Variants in GALNTL6 observed in about 807,000 individuals in gnomAD.
The protein encoded by GALNTL6 is polypeptide N-acetylgalactosaminyltransferase-like 6.
In GALNTL6, 46 loss-of-function variants were observed where a neutral mutation model predicts 73.7. The ratio of observed to expected loss-of-function variants is 0.62; its 90% CI spans 0.49 to 0.80. The LOEUF (loss-of-function observed/expected upper bound fraction) is 0.80, where lower values mean the gene tolerates loss of function less well. Among genes scored for constraint, GALNTL6 ranks in the 30% least tolerant of loss-of-function variants. The pLI, the probability that GALNTL6 is intolerant of heterozygous loss-of-function variation, is 0.00. For missense variants in GALNTL6, 604 were observed against 755.0 expected (o/e 0.80, Z 2.34); for synonymous variants, 259 against 263.7 (o/e 0.98, Z 0.17).
intron 5 of GALNTL6, among the ~76,000 whole-genome samples, chr4:172,597,178 G>A (rs1360114266): frequency 6.6e-6 from 1 of 152,114 alleles, no homozygotes; most frequent in Non-Finnish European, 1.5e-5. Context: ...TTATGAGCTG[G>A]AGTCACAAAA....
intron 5 of GALNTL6, among the ~76,000 whole-genome samples, chr4:172,671,291 GT>G: frequency 6.6e-6 from 1 of 152,286 alleles, no homozygotes. Flanking sequence ...AGCATGGAAT[GT>G]TTTTCCATTT....
At chr4:172,609,665 G>GTGTGTC (rs369523517) in intron 5 of GALNTL6, among the ~76,000 whole-genome samples, 2 of 150,364 alleles carry the variant, frequency 1.3e-5, no homozygotes, top group Non-Finnish European at 3.0e-5. Flanking sequence ...GTGTGTGTGT[G>GTGTGTC]TCTGCCAGGT....
chr4:172,345,739 T>C (rs990863598), intron 4 of GALNTL6, among the ~76,000 whole-genome samples: 2 of 152,076 alleles, frequency 1.3e-5, no homozygotes, highest in Admixed American at 1.3e-4. Context: ...ACTATAATAG[T>C]GTTTAGGAGG....
chr4:172,303,540 T>C (rs143448671), intron 3 of GALNTL6, among the ~76,000 whole-genome samples: 1 of 152,326 alleles, frequency 6.6e-6, no homozygotes, highest in Non-Finnish European at 1.5e-5. Flanking sequence ...TGCCTACCTG[T>C]TGCCTTTAAA....
intron 5 of GALNTL6, among the ~76,000 whole-genome samples, chr4:172,485,556 G>A (rs1733636019): frequency 6.6e-6 from 1 of 152,052 alleles, no homozygotes; most frequent in African/African-American, 2.4e-5. Context: ...GATCTACCCT[G>A]TAAATTATTC....
At chr4:171,968,005 A>G (rs1431644131) in intron 2 of GALNTL6, among the ~76,000 whole-genome samples, 6 of 152,142 alleles carry the variant, frequency 3.9e-5, no homozygotes, top group Non-Finnish European at 7.4e-5. Flanking sequence ...AATTCCTTCC[A>G]GGAGAAAGAG....
chr4:171,985,740 T>TTATATA (rs144030359), intron 2 of GALNTL6, among the ~76,000 whole-genome samples: 10,109 of 147,942 alleles, frequency 0.068, 439 homozygotes, highest in African/African-American at 0.12. Flanking sequence ...CTCTATAAAA[T>TTATATA]TATATATATA....
chr4:172,702,924 G>A (rs572133016), intron 5 of GALNTL6, among the ~76,000 whole-genome samples: 2 of 151,822 alleles, frequency 1.3e-5, no homozygotes, highest in Non-Finnish European at 2.9e-5. Flanking sequence ...CTATGGTTAA[G>A]CATTTTGCTA....
At chr4:172,999,154 G>A (rs962252172) in intron 10 of GALNTL6, among the ~76,000 whole-genome samples, 6 of 152,128 alleles carry the variant, frequency 3.9e-5, no homozygotes, top group Non-Finnish European at 7.3e-5. Flanking sequence ...CCACGCCAAG[G>A]TTGAGATTCA....
chr4:172,866,246 A>T (rs1236891298), intron 7 of GALNTL6, among the ~76,000 whole-genome samples: 1 of 152,114 alleles, frequency 6.6e-6, no homozygotes, highest in Non-Finnish European at 1.5e-5. Context: ...CCCTTCAGTA[A>T]ATCCTCGTTG....
At chr4:172,380,507 G>C (rs1165669235) in intron 5 of GALNTL6, 1 of 430,762 alleles carries the variant, frequency 2.3e-6, no homozygotes, top group Non-Finnish European at 4.6e-6. Flanking sequence ...TCCTGAGTTG[G>C]GTCTCTGGTC....
At chr4:172,463,501 G>A (rs556711706) in intron 5 of GALNTL6, among the ~76,000 whole-genome samples, 20 of 152,304 alleles carry the variant, frequency 1.3e-4, no homozygotes, top group Non-Finnish European at 2.1e-4. Context: ...CTTTGTAAAT[G>A]CGTGTTTCTA....
chr4:172,966,963 G>A (rs554145129), intron 10 of GALNTL6, among the ~76,000 whole-genome samples: 1 of 152,302 alleles, frequency 6.6e-6, no homozygotes, highest in East Asian at 1.9e-4. Flanking sequence ...GTCAGTCTTA[G>A]ATTTTGTAAG....
chr4:172,679,583 G>A (rs980562610), intron 5 of GALNTL6, among the ~76,000 whole-genome samples: 3 of 152,104 alleles, frequency 2.0e-5, no homozygotes, highest in African/African-American at 7.2e-5. Context: ...CACTATCTCT[G>A]CAAATGATAT....
chr4:172,296,116 G>T (rs1739662841), intron 3 of GALNTL6, among the ~76,000 whole-genome samples: 1 of 151,994 alleles, frequency 6.6e-6, no homozygotes, highest in South Asian at 2.1e-4. Flanking sequence ...TTTCATTGTG[G>T]ATACCCTTTG....
At chr4:172,168,915 A>AT (rs201664663) in intron 2 of GALNTL6, among the ~76,000 whole-genome samples, 3,400 of 152,324 alleles carry the variant, frequency 0.022, 42 homozygotes, top group Non-Finnish European at 0.032. Context: ...AGTATATCAT[A>AT]CCCCAAACAT....
intron 2 of GALNTL6, among the ~76,000 whole-genome samples, chr4:171,886,487 G>A (rs1736612188): frequency 6.6e-6 from 1 of 152,032 alleles, no homozygotes; most frequent in Non-Finnish European, 1.5e-5. Flanking sequence ...GAGTAAAAAA[G>A]GATTTCATAT....
intron 2 of GALNTL6, among the ~76,000 whole-genome samples, chr4:172,136,642 T>C (rs929483449): frequency 6.6e-6 from 1 of 151,792 alleles, no homozygotes; most frequent in Admixed American, 6.6e-5. Flanking sequence ...TTTGAAAATG[T>C]TAATTTAGTT....
intron 7 of GALNTL6, among the ~76,000 whole-genome samples, chr4:172,871,357 A>G (rs931194792): frequency 1.3e-5 from 2 of 152,152 alleles, no homozygotes; most frequent in African/African-American, 2.4e-5. Context: ...ATGTGCCCCA[A>G]CAGAAACAGG....
Sources: allele counts gnomAD v4.1 joint callset (sites outside exome capture counted in the v4.1 genomes callset), GRCh38; gene constraint gnomAD v4.1.1; transcripts MANE v1.5; gene names NCBI Gene and HGNC (gene_info 2026-07-23, HGNC 2026-07-21).